RYK: variants seen among roughly 807,000 people sequenced by gnomAD.
The protein encoded by RYK is receptor like tyrosine kinase.
RYK carries 21 observed loss-of-function variants against 70.2 expected under a neutral mutation model. The observed-to-expected ratio is 0.30, with a 90% CI of 0.21 to 0.43. RYK has a LOEUF of 0.43. RYK is among the 20% of genes least tolerant of loss of function. RYK has a pLI of 1.00. For missense variants in RYK, 604 were observed against 753.3 expected, an observed-to-expected ratio of 0.80 and a Z score of 2.32; for synonymous variants, 267 against 278.0, an observed-to-expected ratio of 0.96 and a Z score of 0.39.
chr3:134,188,994 C>A, intron 8 of RYK, 71 bp from the exon 9 acceptor site: 2 of 884,544 alleles, frequency 2.3e-6, no homozygotes, highest in Non-Finnish European at 1.7e-6. Context: ...CTTTCTGGCA[C>A]AATATAACAT....
intron 1 of RYK, among the ~76,000 whole-genome samples, chr3:134,235,868 TC>T (rs2015186532): frequency 6.6e-6 from 1 of 152,076 alleles, no homozygotes. Context: ...GCAGGGTAAC[TC>T]TTTATGAGAC....
At chr3:134,186,284 T>C (rs112996140) in intron 9 of RYK, among the ~76,000 whole-genome samples, 3 of 152,262 alleles carry the variant, frequency 2.0e-5, no homozygotes, top group Non-Finnish European at 4.4e-5. Context: ...AGTCTCTGTA[T>C]AAAATTATGA....
chr3:134,191,710 A>C, intron 8 of RYK, 139 bp downstream of exon 8: 1 of 641,834 alleles, frequency 1.6e-6, no homozygotes, highest in Non-Finnish European at 2.5e-6. Flanking sequence ...AATAATTTTT[A>C]TAAAAGAAAA....
intron 2 of RYK, among the ~76,000 whole-genome samples, chr3:134,216,581 A>C (rs1267303807): frequency 6.6e-6 from 1 of 151,880 alleles, no homozygotes; most frequent in Non-Finnish European, 1.5e-5. Flanking sequence ...TCACGATGTG[A>C]GGAAATTGAG....
At chr3:134,178,143 A>C in intron 10 of RYK, 70 bp from the exon 11 acceptor site, 1 of 1,119,900 alleles carries the variant, frequency 8.9e-7, no homozygotes, top group East Asian at 2.5e-5. Context: ...TTCTAATAAA[A>C]ATAATCTAAA....
chr3:134,188,237 T>A (rs2013535326), intron 9 of RYK, among the ~76,000 whole-genome samples: 1 of 150,462 alleles, frequency 6.6e-6, no homozygotes, highest in South Asian at 2.1e-4. Flanking sequence ...CTCGGCTCAC[T>A]GCATCCTCCG....
At chr3:134,247,220 T>C (rs1275469899) in intron 1 of RYK, among the ~76,000 whole-genome samples, 1 of 152,112 alleles carries the variant, frequency 6.6e-6, no homozygotes. Flanking sequence ...TTGGAGGATT[T>C]AAGAGAGAAA....
At chr3:134,181,876 G>T (rs964475512) in intron 10 of RYK, among the ~76,000 whole-genome samples, 2 of 152,096 alleles carry the variant, frequency 1.3e-5, no homozygotes, top group African/African-American at 4.8e-5. Context: ...TTTAAAAAAG[G>T]TCTTCATGGC....
rs1374122514 is a variant in RYK at position 134,250,655 on chromosome 3, G to GGCC, written c.-4_-2dup. 5.1e-4 allele frequency: 505 copies of GGCC among 981,036 alleles called. No homozygotes were observed. The East Asian group carries it at 5.1e-3, about 10-fold the overall frequency. 60.8% of individuals were successfully genotyped at this position (981,036 alleles called of 1,614,324 possible). ...GCCCCAGCCGCGCCGCCCCACGCAT[G>GGCC]GCCGCCGCCGCCGCCGCCGAAGAGG... is the stretch of plus-strand genomic sequence containing the variant. On this transcript the variant is annotated 5_prime_UTR_variant, in exon 1 of 15. Coordinates refer to ENST00000623711, the MANE Select transcript of RYK (RefSeq NM_002958.4).
chr3:134,165,059 T>C (rs891150693), intron 13 of RYK, among the ~76,000 whole-genome samples: 30 of 152,230 alleles, frequency 2.0e-4, no homozygotes, highest in African/African-American at 6.5e-4. Context: ...ACCTCTCCTA[T>C]TGTGTATGTA....
At chr3:134,189,587 C>T (rs1007235696) in intron 8 of RYK, among the ~76,000 whole-genome samples, 2 of 151,582 alleles carry the variant, frequency 1.3e-5, no homozygotes, top group African/African-American at 4.8e-5. Context: ...GGTGAAACCC[C>T]GTCTCTACTA....
intron 2 of RYK, among the ~76,000 whole-genome samples, chr3:134,212,657 G>C (rs1037910042): frequency 6.6e-6 from 1 of 152,132 alleles, no homozygotes; most frequent in Admixed American, 6.5e-5. Context: ...TTTTAGATGA[G>C]ATATTCAAAT....
intron 6 of RYK, among the ~76,000 whole-genome samples, chr3:134,199,019 C>T (rs539822685): frequency 6.6e-6 from 1 of 152,282 alleles, no homozygotes; most frequent in Non-Finnish European, 1.5e-5. Context: ...GGAAAGACTA[C>T]AGTAGAGACA....
intron 1 of RYK, among the ~76,000 whole-genome samples, chr3:134,245,098 C>T (rs1341548953): frequency 1.3e-5 from 2 of 152,194 alleles, no homozygotes; most frequent in African/African-American, 4.8e-5. Flanking sequence ...TTTGTTACAG[C>T]AGCCTGAGCA....
At chr3:134,162,234 ATT>A (rs35638482) in intron 13 of RYK, among the ~76,000 whole-genome samples, 128 of 139,252 alleles carry the variant, frequency 9.2e-4, no homozygotes, top group Middle Eastern at 3.6e-3. Context: ...GGCTTCAACC[ATT>A]TTTTTTTTTT....
intron 2 of RYK, among the ~76,000 whole-genome samples, chr3:134,219,649 T>C (rs1320000036): frequency 2.0e-5 from 3 of 152,208 alleles, no homozygotes; most frequent in African/African-American, 7.2e-5. Context: ...TTGGAGAATA[T>C]AAGAAGCTTC....
chr3:134,183,367 C>T (rs574548773), intron 9 of RYK: 7 of 180,322 alleles, frequency 3.9e-5, no homozygotes, highest in African/African-American at 1.4e-4. Context: ...TGCTAACTTC[C>T]TTTTTTCCTA....
intron 5 of RYK, among the ~76,000 whole-genome samples, chr3:134,207,210 C>T (rs540285892): frequency 7.9e-5 from 12 of 152,254 alleles, no homozygotes; most frequent in Middle Eastern, 3.4e-3. Flanking sequence ...ATTATGACTA[C>T]TCAAAAATAT....
Position 134,190,052 on chromosome 3 carries a change from G to A in RYK, c.1016-1129C>T, listed in dbSNP as rs1056975570. Among the ~76,000 whole-genome samples, 22 of 152,202 alleles carry A rather than the reference G, an allele frequency of 1.4e-4. 1 individual carries two copies. The highest frequency in any genetic ancestry group is 1.5e-5 in the Non-Finnish European group (1 of 68,036). ...GCTCTAATGCCTTCCACTCTATGAGGTGGAGTTGTTGGTATCCATGTATCA... is the reference window on the plus strand; with the variant it reads ...GCTCTAATGCCTTCCACTCTATGAGATGGAGTTGTTGGTATCCATGTATCA... On this transcript the variant is annotated intron_variant, in intron 8 of 14. Transcript: ENST00000623711.
Sources: allele counts gnomAD v4.1 joint callset (sites outside exome capture counted in the v4.1 genomes callset), GRCh38; gene constraint gnomAD v4.1.1; transcripts MANE v1.5; gene names NCBI Gene and HGNC (gene_info 2026-07-23, HGNC 2026-07-21).